Variants in SLC7A1 observed in about 807,000 individuals in gnomAD.
The protein encoded by SLC7A1 is high affinity cationic amino acid transporter 1.
A neutral mutation model predicts 53.9 loss-of-function variants in SLC7A1; 10 were observed. The observed-to-expected ratio is 0.19, with a 90% CI of 0.11 to 0.31. The LOEUF is 0.31. Among genes scored for constraint, SLC7A1 ranks in the 10% least tolerant of loss-of-function variants. SLC7A1 has a pLI of 1.00. For missense variants in SLC7A1, 525 were observed against 827.2 expected, an observed-to-expected ratio of 0.63 and a Z score of 4.48; for synonymous variants, 342 against 338.7, an observed-to-expected ratio of 1.01 and a Z score of -0.11.
In SLC7A1 at chr13:29,524,192, G is replaced by A. The variant is rs1288305025; in HGVS notation, c.766C>T (p.Leu256=). The part of the protein sequence containing the change: ...GFMPFGFSGV[L]SGAATCFYAF... ...TAGAAGCAAGTCGCTGCCCCCGACA[G>A]GACACCAGAGAACCCGAAGGGCATG... Residue 256 remains leucine, a synonymous_variant, in exon 6 of 13, where the codon CTG becomes TTG. Coordinates refer to ENST00000380752, the MANE Select transcript of SLC7A1 (RefSeq NM_003045.5). The A allele has an allele frequency of 1.2e-6, 2 of 1,614,150 alleles. No individual in the cohort carries two copies. Among genetic ancestry groups the A allele is most frequent in the East Asian group, 4.5e-5 (2 of 44,876 alleles).
intron 1 of SLC7A1, among the ~76,000 whole-genome samples, chr13:29,574,418 C>T (rs532969923): frequency 2.6e-5 from 4 of 152,202 alleles, no homozygotes; most frequent in African/African-American, 9.6e-5. Context: ...TGAACAAGAA[C>T]ACGAACTCAT....
Position 29,514,233 on chromosome 13 carries a change from A to G in SLC7A1, c.*247T>C, listed in dbSNP as rs1452612042. 2 of 546,058 alleles carry G rather than the reference A, an allele frequency of 3.7e-6. No homozygotes were observed. Among genetic ancestry groups the G allele is most frequent in the South Asian group, 4.5e-5 (2 of 44,680 alleles). 33.8% of individuals were successfully genotyped at this position (546,058 alleles called of 1,614,324 possible). On this transcript the variant is annotated 3_prime_UTR_variant, in exon 13 of 13. Coordinates refer to ENST00000380752, the MANE Select transcript of SLC7A1 (RefSeq NM_003045.5). ...CTGCTTTGTTCAGAGAAGTGAGGAG[A>G]CACAGTGGCCAGCCGCAGCCTAGTG... is the stretch of plus-strand genomic sequence containing the variant.
chr13:29,530,570 A>G lies in SLC7A1; in HGVS notation c.672T>C (p.Phe224=). 1 of 1,614,156 alleles carries G rather than the reference A, an allele frequency of 6.2e-7. No individual in the cohort carries two copies. Among genetic ancestry groups the G allele is most frequent in the Non-Finnish European group, 8.5e-7 (1 of 1,180,008 alleles). Residue 224 remains phenylalanine (F), a synonymous_variant, in exon 5 of 13, where the codon TTT becomes TTC. Transcript: ENST00000380752. ...AACAGAGACGGCCTGATGTGTTCCC[A>G]AAATCCTCCTCCGTGAGCTGCCAGT... ...VKNWQLTEED[F]GNTSGRLCLN...
Position 29,510,597 on chromosome 13 carries a change from G to GC in SLC7A1, c.*3882dup, listed in dbSNP as rs903611685. On this transcript the variant is annotated 3_prime_UTR_variant, in exon 13 of 13. Transcript: ENST00000380752. ...CATCAGTTCCACATATAAGCCTCAC[G>GC]CCCCCACCACCCTGCAATTTCCCCG... 6.6e-6 allele frequency: 1 copy of GC among 152,186 alleles called. No homozygotes were observed. Among genetic ancestry groups the GC allele is most frequent in the African/African-American group, 2.4e-5 (1 of 41,436 alleles). The allele number at this position is 152,186 out of a possible 1,614,324, so 9.4% of individuals were successfully genotyped here. A position where few individuals can be genotyped will look rare whatever the true frequency, so the allele number is the denominator to read the frequency against.
intron 1 of SLC7A1, among the ~76,000 whole-genome samples, chr13:29,593,137 G>A (rs183073663): frequency 7.2e-5 from 11 of 152,310 alleles, no homozygotes; most frequent in Admixed American, 2.6e-4. Context: ...GGGGATAAGA[G>A]TTCTAAAAAG....
chr13:29,530,112 T>A (rs1349319826), intron 5 of SLC7A1, among the ~76,000 whole-genome samples: 1 of 152,180 alleles, frequency 6.6e-6, no homozygotes, highest in African/African-American at 2.4e-5. Context: ...CCCTCTACAT[T>A]ATTAATCTAA....
rs555207256 is a variant in SLC7A1 at position 29,575,204 on chromosome 13, G to A, written c.-115+20212C>T. ...CCGTTGCAACTGTTCTTTAGTTACA[G>A]GAGCATTTAATCAAACAAACACCTA... On this transcript the variant is annotated intron_variant, in intron 1 of 12. Coordinates refer to ENST00000380752, the MANE Select transcript of SLC7A1 (RefSeq NM_003045.5). 5.3e-5 allele frequency among the ~76,000 whole-genome samples: 8 copies of A among 152,264 alleles called. 1 individual carries two copies. The East Asian group carries it at 1.2e-3, about 22-fold the overall frequency.
At chr13:29,534,159 C>A (rs572268639) in intron 3 of SLC7A1, among the ~76,000 whole-genome samples, 1 of 152,184 alleles carries the variant, frequency 6.6e-6, no homozygotes, top group Non-Finnish European at 1.5e-5. Context: ...TTCTTCCCAG[C>A]CTATCCACTC....
Position 29,514,298 on chromosome 13 carries a change from G to C in SLC7A1, c.*182C>G. The C allele has an allele frequency of 1.7e-6, 1 of 595,602 alleles. No individual in the cohort carries two copies. The highest frequency in any genetic ancestry group is 3.0e-6 in the Non-Finnish European group (1 of 331,808). The allele number at this position is 595,602 out of a possible 1,614,324, so 36.9% of individuals were successfully genotyped here. A position where few individuals can be genotyped will look rare whatever the true frequency, so the allele number is the denominator to read the frequency against. ...GCTGTCTGGAGGTGACCAGGGCCCG[G>C]AGAACCGGCTGCAGAGCCGAGGGTG... On this transcript the variant is annotated 3_prime_UTR_variant, in exon 13 of 13. Transcript: ENST00000380752.
chr13:29,553,186 G>A (rs1189002935), intron 2 of SLC7A1, among the ~76,000 whole-genome samples: 2 of 152,256 alleles, frequency 1.3e-5, no homozygotes, highest in South Asian at 2.1e-4. Flanking sequence ...GGAGTAAGGA[G>A]AAGAGTGAGA....
rs1869880435 is a variant in SLC7A1 at position 29,545,552 on chromosome 13, C to A, written c.-15+8209G>T. ...GGAAACGCCCAGAAAACAGAACTCG[C>A]TGCTCTTCAAATGCAAAGAACCATC... On this transcript the variant is annotated intron_variant, in intron 2 of 12. Transcript: ENST00000380752. 2.6e-5 allele frequency among the ~76,000 whole-genome samples: 4 copies of A among 152,356 alleles called. No homozygotes were observed. In the South Asian group the frequency reaches 8.3e-4, roughly 32 times the overall value.
chr13:29,539,910 T>A (rs148017698), intron 2 of SLC7A1, among the ~76,000 whole-genome samples: 1 of 152,230 alleles, frequency 6.6e-6, no homozygotes, highest in Non-Finnish European at 1.5e-5. Flanking sequence ...TGTTCATTCC[T>A]ACTTCCCAGG....
intron 1 of SLC7A1, among the ~76,000 whole-genome samples, chr13:29,562,446 C>A (rs1047399583): frequency 5.3e-5 from 8 of 152,146 alleles, no homozygotes; most frequent in Admixed American, 1.3e-4. Flanking sequence ...TCAAAGGAAA[C>A]GCTCGCTGGA....
chr13:29,563,351 C>G (rs1215181579), intron 1 of SLC7A1, among the ~76,000 whole-genome samples: 1 of 152,204 alleles, frequency 6.6e-6, no homozygotes, highest in Non-Finnish European at 1.5e-5. Context: ...AAATGTTCTA[C>G]AAATTTACTT....
intron 1 of SLC7A1, among the ~76,000 whole-genome samples, chr13:29,561,363 G>A (rs377308083): frequency 3.3e-5 from 5 of 152,274 alleles, no homozygotes; most frequent in African/African-American, 1.2e-4. Context: ...ACAGTTCAAG[G>A]CAGTGGGGAG....
chr13:29,555,673 G>C (rs1212415644), intron 1 of SLC7A1, among the ~76,000 whole-genome samples: 5 of 150,844 alleles, frequency 3.3e-5, no homozygotes, highest in Admixed American at 6.6e-5. Context: ...AAAAAAAAGG[G>C]GGGGCGGGCA....
intron 2 of SLC7A1, among the ~76,000 whole-genome samples, chr13:29,542,148 G>GTGT (rs1869691341): frequency 6.6e-6 from 1 of 152,176 alleles, no homozygotes; most frequent in Non-Finnish European, 1.5e-5. Flanking sequence ...ACTGTGCAAA[G>GTGT]CGTCACTAAA....
intron 1 of SLC7A1, among the ~76,000 whole-genome samples, chr13:29,590,909 G>A (rs2139195942): frequency 6.6e-6 from 1 of 152,218 alleles, no homozygotes; most frequent in Admixed American, 6.5e-5. Flanking sequence ...TTTGAGACCA[G>A]CCTGGGCAAC....
intron 5 of SLC7A1, among the ~76,000 whole-genome samples, chr13:29,525,094 C>T (rs573220767): frequency 4.6e-5 from 7 of 152,340 alleles, no homozygotes; most frequent in Admixed American, 3.3e-4. Context: ...TCTGGGGGTG[C>T]ACCATGCAGT....
Sources: gnomAD v4.1 joint callset for allele counts (sites outside exome capture counted in the v4.1 genomes callset) on GRCh38, gnomAD v4.1.1 for gene constraint, MANE v1.5 for transcripts, NCBI Gene and HGNC (gene_info 2026-07-23, HGNC 2026-07-21) for gene names.